The following CDH4 variants were observed in gnomAD, a reference collection of about 807,000 sequenced individuals.
CDH4 encodes the protein cadherin 4.
A neutral mutation model predicts 86.0 loss-of-function variants in CDH4; 33 were observed. That is an observed-to-expected ratio of 0.38 (90% CI 0.29 to 0.51). The LOEUF is 0.51. Ranked by LOEUF, CDH4 falls within the 20% of genes least tolerant of loss-of-function variation. CDH4 has a pLI of 0.86. For synonymous variants in CDH4, 555 were observed against 549.4 expected (o/e 1.01, Z -0.14); for missense variants, 1,114 against 1,307.4 (o/e 0.85, Z 2.28).
intron 2 of CDH4, among the ~76,000 whole-genome samples, chr20:61,641,361 C>T (rs888179944): frequency 6.6e-6 from 1 of 151,192 alleles, no homozygotes; most frequent in Non-Finnish European, 1.5e-5. Context: ...CTCCAGCTCC[C>T]CACAGCCCAC....
In CDH4 at chr20:61,383,555, G is replaced by GATATATGATATATATGAATATATATGA. The variant is rs2084927031; in HGVS notation, c.169+128631_169+128632insATGAATATATATGAATATATGATATAT. On this transcript the variant is annotated intron_variant, in intron 2 of 15. Coordinates refer to ENST00000614565, the MANE Select transcript of CDH4 (RefSeq NM_001794.5). ...TATATGAATATATATGAATATATAT[G>GATATATGATATATATGAATATATATGA]ATATATGATATATGATATATATGAA... Among the ~76,000 whole-genome samples, 4 of 61,696 alleles carry GATATATGATATATATGAATATATATGA rather than the reference G, an allele frequency of 6.5e-5. 2 individuals carry two copies. Among genetic ancestry groups the GATATATGATATATATGAATATATATGA allele is most frequent in the African/African-American group, 6.2e-4 (4 of 6,470 alleles). The allele number at this position is 61,696 out of a possible 152,430, so 40.5% of individuals were successfully genotyped here.
At chr20:61,542,399 C>T (rs1288368973) in intron 2 of CDH4, among the ~76,000 whole-genome samples, 1 of 152,146 alleles carries the variant, frequency 6.6e-6, no homozygotes, top group Non-Finnish European at 1.5e-5. Flanking sequence ...GGGTTTCTCA[C>T]ATTATCTCTG....
chr20:61,812,822 G>T (rs1980506871), intron 4 of CDH4, among the ~76,000 whole-genome samples: 2 of 152,194 alleles, frequency 1.3e-5, no homozygotes, highest in South Asian at 4.1e-4. Flanking sequence ...TGGAGGGGTT[G>T]TGCTCTCCAG....
intron 2 of CDH4, among the ~76,000 whole-genome samples, chr20:61,375,823 TTGG>T (rs1280179211): frequency 1.5e-3 from 5 of 3,436 alleles, no homozygotes; most frequent in Non-Finnish European, 2.0e-3. Context: ...TGTGATGGTC[TTGG>T]TGGTGGTGAT....
At chr20:61,744,891 C>G (rs1172706787) in intron 3 of CDH4, among the ~76,000 whole-genome samples, 1 of 152,208 alleles carries the variant, frequency 6.6e-6, no homozygotes, top group Non-Finnish European at 1.5e-5. Context: ...TGGTTGCAGC[C>G]ACTGCGCCAG....
rs767449665 is a variant in CDH4 at position 61,396,286 on chromosome 20, G to C, written c.169+141349G>C. On this transcript the variant is annotated intron_variant, in intron 2 of 15. Coordinates refer to ENST00000614565, the MANE Select transcript of CDH4 (RefSeq NM_001794.5). ...CATCCTGGCTACATCGGAATTTCCA[G>C]GGCCCTTGAAGACCGAGGTCGAGGC... 2.0e-5 allele frequency among the ~76,000 whole-genome samples: 3 copies of C among 152,126 alleles called. No individual in the cohort carries two copies. In the South Asian group the frequency reaches 6.2e-4, roughly 32 times the overall value.
chr20:61,781,045 G>A (rs564184673), intron 4 of CDH4, among the ~76,000 whole-genome samples: 1 of 152,336 alleles, frequency 6.6e-6, no homozygotes, highest in Non-Finnish European at 1.5e-5. Flanking sequence ...AGGCACCGAA[G>A]GACCCAGTGA....
At chr20:61,622,394 G>C (rs1167140572) in intron 2 of CDH4, among the ~76,000 whole-genome samples, 3 of 152,232 alleles carry the variant, frequency 2.0e-5, no homozygotes, top group Non-Finnish European at 4.4e-5. Flanking sequence ...CAGTCTGTCA[G>C]GCATACCCCG....
chr20:61,576,806 CTG>C (rs1055490708), intron 2 of CDH4, among the ~76,000 whole-genome samples: 8 of 152,198 alleles, frequency 5.3e-5, no homozygotes, highest in Non-Finnish European at 1.5e-5. Context: ...GTGGATTTCT[CTG>C]TGGCAAAATG....
chr20:61,350,544 C>T (rs1419128797), intron 2 of CDH4, among the ~76,000 whole-genome samples: 3 of 147,452 alleles, frequency 2.0e-5, no homozygotes, highest in African/African-American at 5.1e-5. Context: ...CTGACCTTGC[C>T]TCTCCCACCC....
At position 61,544,529 on chromosome 20, in the gene CDH4, T is replaced by C. The variant is rs2086063202; in HGVS notation, c.170-199034T>C. Among the ~76,000 whole-genome samples the C allele has an allele frequency of 6.6e-6, 1 of 151,574 alleles. No individual in the cohort carries two copies. Among genetic ancestry groups the C allele is most frequent in the Non-Finnish European group, 1.5e-5 (1 of 67,936 alleles). The stretch of plus-strand genomic sequence containing the variant: ...TGCATCCAGGAATTAAAGCAGTCCA[T>C]GCAATGGCAGCCGCCAAGCAGAGAC... On this transcript the variant is annotated intron_variant, in intron 2 of 15. Transcript: ENST00000614565. This position sits in a 1 kb window ranked among gnomAD's most constrained non-coding sequence, Gnocchi z 6.5.
At chr20:61,858,398 T>G (rs1443004887) in intron 6 of CDH4, among the ~76,000 whole-genome samples, 1 of 151,976 alleles carries the variant, frequency 6.6e-6, no homozygotes, top group African/African-American at 2.4e-5. Flanking sequence ...TGTGTCTCTG[T>G]GTCTGTGTGT....
At chr20:61,759,628 A>G (rs969037958) in intron 3 of CDH4, among the ~76,000 whole-genome samples, 2 of 151,676 alleles carry the variant, frequency 1.3e-5, no homozygotes, top group African/African-American at 2.4e-5. Context: ...AAAGTAATAC[A>G]TTTTCCCTTA....
chr20:61,660,564 A>C (rs914341617), intron 2 of CDH4, among the ~76,000 whole-genome samples: 3 of 152,132 alleles, frequency 2.0e-5, no homozygotes, highest in Non-Finnish European at 2.9e-5. Flanking sequence ...GACTGTTTGA[A>C]TATGGATTGT....
chr20:61,318,677 A>G (rs2084491389), intron 2 of CDH4, among the ~76,000 whole-genome samples: 1 of 152,220 alleles, frequency 6.6e-6, no homozygotes, highest in Non-Finnish European at 1.5e-5. Flanking sequence ...ATAGCCACTG[A>G]TGAGGAAATT....
chr20:61,457,742 CGGTGGTGGT>C (rs993985275), intron 2 of CDH4, among the ~76,000 whole-genome samples: 6 of 142,902 alleles, frequency 4.2e-5, no homozygotes, highest in African/African-American at 2.6e-5. Context: ...CTGGTGGTGG[CGGTGGTGGT>C]GGTAGTCTTA....
intron 2 of CDH4, among the ~76,000 whole-genome samples, chr20:61,677,990 CATAG>C (rs1249754047): frequency 6.6e-6 from 1 of 151,538 alleles, no homozygotes; most frequent in Non-Finnish European, 1.5e-5. Context: ...ATAGATGATA[CATAG>C]ATGGATGACA....
intron 7 of CDH4, among the ~76,000 whole-genome samples, chr20:61,877,614 G>A (rs932389814): frequency 6.6e-6 from 1 of 152,132 alleles, no homozygotes; most frequent in East Asian, 1.9e-4. Context: ...TGCTGGAGAG[G>A]GCGGTCCCGT....
chr20:61,370,469 C>G (rs1180752433), intron 2 of CDH4: 2 of 152,240 alleles, frequency 1.3e-5, no homozygotes, highest in African/African-American at 4.8e-5. Context: ...CTCCCCAGTG[C>G]CGCTGAGTGA....
Sources: gnomAD v4.1 joint callset for allele counts (sites outside exome capture counted in the v4.1 genomes callset) on GRCh38, gnomAD v4.1.1 for gene constraint, Gnocchi (gnomAD v3.1) non-coding constraint, MANE v1.5 for transcripts, NCBI Gene and HGNC (gene_info 2026-07-23, HGNC 2026-07-21) for gene names.